The following MYO16 variants were observed in gnomAD, a reference collection of about 807,000 sequenced individuals.
MYO16 encodes unconventional myosin-XVI.
MYO16 carries 94 observed loss-of-function variants against 205.3 expected under a neutral mutation model. That is an observed-to-expected ratio of 0.46 (90% CI 0.39 to 0.54). MYO16 has a LOEUF of 0.54. Ranked by LOEUF, MYO16 falls within the 20% of genes least tolerant of loss-of-function variation. The probability of loss-of-function intolerance (pLI) is 0.00; values close to 1 mark genes in which losing one functional copy is unlikely to be tolerated. For missense variants in MYO16, 2,315 were observed against 2,387.5 expected (o/e 0.97, Z 0.63); for synonymous variants, 988 against 954.0 (o/e 1.04, Z -0.66).
intron 28 of MYO16, among the ~76,000 whole-genome samples, chr13:109,109,017 A>G (rs1889204369): frequency 6.6e-6 from 1 of 152,086 alleles, no homozygotes; most frequent in African/African-American, 2.4e-5. Flanking sequence ...GAGAGAATTA[A>G]TAAAGAATTG....
chr13:108,927,668 C>A (rs1035691842), intron 16 of MYO16, among the ~76,000 whole-genome samples: 2 of 152,222 alleles, frequency 1.3e-5, no homozygotes, highest in African/African-American at 4.8e-5. Context: ...TGCTCTGCAG[C>A]GTGTGAAAAT....
chr13:109,190,047 A>G (rs1006463959), intron 34 of MYO16, among the ~76,000 whole-genome samples: 2 of 152,166 alleles, frequency 1.3e-5, no homozygotes, highest in Non-Finnish European at 1.5e-5. Flanking sequence ...TATCCCACGT[A>G]AAGTTTTAAT....
intron 4 of MYO16, chr13:108,779,691 G>T (rs1886236813): frequency 6.6e-6 from 1 of 152,166 alleles, no homozygotes. Context: ...GGCTGCTAGG[G>T]AAACTCGCCC....
chr13:108,910,690 T>G (rs1156274918), intron 16 of MYO16, among the ~76,000 whole-genome samples: 1 of 152,184 alleles, frequency 6.6e-6, no homozygotes, highest in Non-Finnish European at 1.5e-5. Flanking sequence ...TCTCAATGTT[T>G]GCACTTCTGC....
chr13:109,075,964 G>T (rs1888086764), intron 27 of MYO16, among the ~76,000 whole-genome samples: 1 of 152,182 alleles, frequency 6.6e-6, no homozygotes, highest in Non-Finnish European at 1.5e-5. Context: ...CTGGAAGGTT[G>T]TGAACATGAA....
rs990158251 is a variant in MYO16, at chr13:108,818,084, T to C, written c.868-2253T>C. Among the ~76,000 whole-genome samples the C allele has an allele frequency of 3.2e-4, 48 of 152,244 alleles. No individual in the cohort carries two copies. In the East Asian group the frequency reaches 8.3e-3, roughly 26 times the overall value. ...ATAATGTTACAACTTACAAAGTTTT[T>C]AAGACGTTAGTAAAACAGGCCAGGC... On this transcript the variant is annotated intron_variant, in intron 7 of 34. Transcript: ENST00000457511.
chr13:108,824,095 G>A (rs553565108), intron 9 of MYO16, among the ~76,000 whole-genome samples: 14 of 152,142 alleles, frequency 9.2e-5, no homozygotes, highest in Middle Eastern at 3.4e-3. Context: ...TGCATGTAAC[G>A]TGTGGGACCT....
Position 109,126,149 on chromosome 13 carries a change from A to AT in MYO16, c.3782+800dup, listed in dbSNP as rs1057094532. Reference sequence around the variant, plus strand: ...TCCTTTCCCATTTCTGCCGATGTCAATTTTTTTTTATTAAAGTGGAAATGG... The same window carrying AT: ...TCCTTTCCCATTTCTGCCGATGTCAATTTTTTTTTTATTAAAGTGGAAATGG... On this transcript the variant is annotated intron_variant, in intron 30 of 34. Coordinates refer to ENST00000457511, the MANE Select transcript of MYO16 (RefSeq NM_001198950.3). 1.4e-4 allele frequency among the ~76,000 whole-genome samples: 21 copies of AT among 151,768 alleles called. 1 individual carries two copies. The highest frequency in any genetic ancestry group is 2.4e-4 in the African/African-American group (10 of 41,322).
chr13:108,824,256 G>A (rs1876140135), intron 9 of MYO16, among the ~76,000 whole-genome samples: 1 of 152,022 alleles, frequency 6.6e-6, no homozygotes. Flanking sequence ...GTTACCTCCA[G>A]AATGCTACTG....
intron 27 of MYO16, among the ~76,000 whole-genome samples, chr13:109,085,459 C>T (rs145626704): frequency 2.6e-5 from 4 of 152,092 alleles, no homozygotes; most frequent in Non-Finnish European, 5.9e-5. Flanking sequence ...GAGGGCGGAC[C>T]CAGTGGAATG....
intron 1 of MYO16, among the ~76,000 whole-genome samples, chr13:108,663,532 T>C (rs908045837): frequency 3.7e-4 from 57 of 152,262 alleles, no homozygotes; most frequent in African/African-American, 1.3e-3. Context: ...ATTTGAGACA[T>C]GAATGGACTT....
chr13:108,732,837 G>C (rs1384773681), intron 4 of MYO16, among the ~76,000 whole-genome samples: 1 of 152,154 alleles, frequency 6.6e-6, no homozygotes, highest in Non-Finnish European at 1.5e-5. Context: ...GTTGACATCT[G>C]GATATACAGG....
At chr13:108,951,876 G>A (rs535808094) in intron 16 of MYO16, among the ~76,000 whole-genome samples, 2 of 152,114 alleles carry the variant, frequency 1.3e-5, no homozygotes, top group African/African-American at 2.4e-5. Context: ...GCTGAGGCAG[G>A]CCAGATCACC....
intron 10 of MYO16, among the ~76,000 whole-genome samples, chr13:108,848,147 A>T (rs926815757): frequency 2.6e-5 from 4 of 152,030 alleles, no homozygotes; most frequent in Non-Finnish European, 5.9e-5. Context: ...CAGGAGATGG[A>T]TGTATTATTT....
chr13:108,834,117 A>G (rs1378175901), intron 9 of MYO16, among the ~76,000 whole-genome samples: 1 of 152,214 alleles, frequency 6.6e-6, no homozygotes, highest in Non-Finnish European at 1.5e-5. Flanking sequence ...CAGGAAAGAA[A>G]GACTTTACTA....
At chr13:108,795,076 T>C (rs995260208) in intron 6 of MYO16, among the ~76,000 whole-genome samples, 10 of 152,110 alleles carry the variant, frequency 6.6e-5, no homozygotes, top group African/African-American at 2.4e-4. Context: ...TAGAGTTACG[T>C]TGTTATAGTC....
intron 16 of MYO16, among the ~76,000 whole-genome samples, chr13:108,944,955 G>T (rs535991751): frequency 6.6e-6 from 1 of 152,074 alleles, no homozygotes; most frequent in African/African-American, 2.4e-5. Flanking sequence ...TCCTAAGTGC[G>T]TGAGAAAGAT....
intron 21 of MYO16, among the ~76,000 whole-genome samples, chr13:108,993,759 A>T (rs912585408): frequency 1.3e-5 from 2 of 152,186 alleles, no homozygotes; most frequent in African/African-American, 4.8e-5. Context: ...TGACCAATAG[A>T]ATATATGACA....
intron 4 of MYO16, among the ~76,000 whole-genome samples, chr13:108,776,526 A>T (rs1005500779): frequency 2.1e-4 from 32 of 152,136 alleles, no homozygotes; most frequent in Non-Finnish European, 3.5e-4. Flanking sequence ...TATATTCCTT[A>T]ATGGAGTATT....
Sources: gnomAD v4.1 joint callset for allele counts (sites outside exome capture counted in the v4.1 genomes callset) on GRCh38, gnomAD v4.1.1 for gene constraint, MANE v1.5 for transcripts, NCBI Gene and HGNC (gene_info 2026-07-23, HGNC 2026-07-21) for gene names.